ZNF823: variants seen among roughly 807,000 people sequenced by gnomAD.
ZNF823 encodes ZFP 36 for a zinc finger protein.
Under a neutral mutation model 11.4 loss-of-function variants are expected in ZNF823, and 5 were observed. The ratio of observed to expected loss-of-function variants is 0.44; its 90% CI spans 0.23 to 0.92. The LOEUF (loss-of-function observed/expected upper bound fraction) is 0.92. Ranked by LOEUF, ZNF823 falls within the 40% of genes least tolerant of loss-of-function variation. The probability of loss-of-function intolerance (pLI) is 0.24; values close to 1 mark genes in which losing one functional copy is unlikely to be tolerated. For synonymous variants in ZNF823, 234 were observed against 250.5 expected (o/e 0.93, Z 0.62); for missense variants, 582 against 738.5 (o/e 0.79, Z 2.46).
intron 1 of ZNF823, 117 bp downstream of exon 1, chr19:11,738,700 T>C (rs1975041594): frequency 7.5e-7 from 1 of 1,339,550 alleles, no homozygotes; most frequent in Non-Finnish European, 1.0e-6. Flanking sequence ...CCAGGGGCAC[T>C]GGGATTTGCA....
In ZNF823 at chr19:11,738,810, C is replaced by T; in HGVS notation, c.3+7G>A. ...TTGCCTCGGGACGCCGGGCCCCGCA[C>T]ACTCACCATTTCCCAGCTTCCAGGT... On this transcript the variant is annotated splice_region_variant and intron_variant, in intron 1 of 3. Coordinates refer to ENST00000341191, the MANE Select transcript of ZNF823 (RefSeq NM_001080493.4). 1.9e-6 allele frequency: 3 copies of T among 1,610,758 alleles called. No individual in the cohort carries two copies. The highest frequency in any genetic ancestry group is 2.5e-6 in the Non-Finnish European group (3 of 1,178,572).
chr19:11,723,088 T>TG lies in ZNF823; in HGVS notation c.445dup (p.His149ProfsTer7), dbSNP rs752102870. ...GGGCCTTTCATGTGTCTGGAAGGAGTGCTGATGACTGATGGCTTTCCCACG... is the reference window on the plus strand; with the variant it reads ...GGGCCTTTCATGTGTCTGGAAGGAGTGGCTGATGACTGATGGCTTTCCCACG... On this transcript the variant is annotated frameshift_variant, in exon 4 of 4. Coordinates refer to ENST00000341191, the MANE Select transcript of ZNF823 (RefSeq NM_001080493.4). LOFTEE classifies it low-confidence loss of function (END_TRUNC). 1 of 1,614,030 alleles carries TG rather than the reference T, an allele frequency of 6.2e-7. No homozygotes were observed.
At chr19:11,726,897 T>C (rs1363152269) in intron 1 of ZNF823, among the ~76,000 whole-genome samples, 1 of 152,212 alleles carries the variant, frequency 6.6e-6, no homozygotes, top group Non-Finnish European at 1.5e-5. Context: ...CATGGGATAT[T>C]TAGCCCATCC....
At chr19:11,725,089 T>G in intron 2 of ZNF823, 112 bp downstream of exon 2, 1 of 1,385,924 alleles carries the variant, frequency 7.2e-7, no homozygotes, top group South Asian at 1.4e-5. Flanking sequence ...AAACCCTGTG[T>G]TGTTCAAGGG....
chr19:11,723,110 C>T lies in ZNF823; in HGVS notation c.424G>A (p.Gly142Arg), dbSNP rs767996759. ...GEKPYTHKQRGKAISHQHSFQ... is the reference protein window; with the variant it reads ...GEKPYTHKQRRKAISHQHSFQ... ...GAGTGCTGATGACTGATGGCTTTCCCACGTTGTTTATGTGTATATGGCTTC... is the reference window on the plus strand; with the variant it reads ...GAGTGCTGATGACTGATGGCTTTCCTACGTTGTTTATGTGTATATGGCTTC... Residue 142 changes from glycine to arginine, a missense_variant, in exon 4 of 4, where the codon GGG (glycine) becomes AGG (arginine). Transcript: ENST00000341191. 6.2e-6 allele frequency: 10 copies of T among 1,614,026 alleles called. No homozygotes were observed. Among genetic ancestry groups the T allele is most frequent in the African/African-American group, 4.0e-5 (3 of 74,892 alleles).
At chr19:11,723,877 A>T (rs1974741830) in intron 3 of ZNF823, among the ~76,000 whole-genome samples, 1 of 152,044 alleles carries the variant, frequency 6.6e-6, no homozygotes, top group African/African-American at 2.4e-5. Context: ...TTTCCAAGGG[A>T]ACTATTTTGC....
intron 1 of ZNF823, among the ~76,000 whole-genome samples, chr19:11,734,901 G>A (rs1974965265): frequency 1.3e-5 from 2 of 152,162 alleles, no homozygotes; most frequent in South Asian, 4.1e-4. Context: ...ATTCTGTGAT[G>A]TAGGATCTGA....
Position 11,723,218 on chromosome 19 carries a change from C to T in ZNF823, c.316G>A (p.Val106Ile). The change falls in exon 4 of 4, where the codon GTC (valine) becomes ATC (isoleucine). Residue 106 changes from valine (V) to isoleucine (I), a missense_variant. Val to Ile is a conservative substitution (Grantham distance 29, BLOSUM62 3). Coordinates refer to ENST00000341191, the MANE Select transcript of ZNF823 (RefSeq NM_001080493.4). ...NPCDSGECGE[V>I]VLGHSSLNCN... ...TTAAGAGACGAATGACCCAAGACGA[C>T]TTCTCCACACTCACCACTGTCACAT... is the stretch of plus-strand genomic sequence containing the variant. 6.2e-7 allele frequency: 1 copy of T among 1,614,168 alleles called. No homozygotes were observed. The highest frequency in any genetic ancestry group is 8.5e-7 in the Non-Finnish European group (1 of 1,180,014).
At chr19:11,737,329 T>C (rs1171620522) in intron 1 of ZNF823, among the ~76,000 whole-genome samples, 2 of 152,174 alleles carry the variant, frequency 1.3e-5, no homozygotes, top group South Asian at 4.1e-4. Flanking sequence ...AATGGCGTGA[T>C]CTTGGCTCAC....
At chr19:11,738,788 C>T (rs1389985296) in intron 1 of ZNF823, 29 bp downstream of exon 1, 1 of 1,607,568 alleles carries the variant, frequency 6.2e-7, no homozygotes, top group Non-Finnish European at 8.5e-7. Context: ...CCCTTCTTTG[C>T]CTCGGGACGC....
At chr19:11,724,633 A>ACTGCAAAC (rs1974757521) in intron 2 of ZNF823, among the ~76,000 whole-genome samples, 1 of 141,332 alleles carries the variant, frequency 7.1e-6, no homozygotes, top group East Asian at 2.0e-4. Context: ...ATCTCAGCTC[A>ACTGCAAAC]CTGCAAACTC....
At chr19:11,733,531 T>C (rs1974941349) in intron 1 of ZNF823, among the ~76,000 whole-genome samples, 1 of 151,814 alleles carries the variant, frequency 6.6e-6, no homozygotes, top group African/African-American at 2.4e-5. Context: ...CGAAACTGTC[T>C]TTACAAAAAA....
intron 1 of ZNF823, among the ~76,000 whole-genome samples, chr19:11,729,404 T>G (rs1318908387): frequency 6.6e-6 from 1 of 152,180 alleles, no homozygotes; most frequent in African/African-American, 2.4e-5. Flanking sequence ...AGAAGTCAGT[T>G]ATACAAGAAG....
Position 11,722,935 on chromosome 19 carries a change from G to A in ZNF823, c.599C>T (p.Ala200Val). The A allele has an allele frequency of 6.2e-7, 1 of 1,614,118 alleles. No homozygotes were observed. Among genetic ancestry groups the A allele is most frequent in the Non-Finnish European group, 8.5e-7 (1 of 1,180,020 alleles). The change falls in exon 4 of 4, where the codon GCC becomes GTC. Residue 200 changes from alanine to valine, a missense_variant. Physicochemically the swap from Ala to Val is moderately conservative, Grantham distance 64 (BLOSUM62 0). Around this residue, in one of 3 missense-constraint regions of ZNF823, gnomAD observed 429 missense variants for 553.7 expected, o/e 0.77. Coordinates refer to ENST00000341191, the MANE Select transcript of ZNF823 (RefSeq NM_001080493.4). This position sits in a 1 kb window ranked among gnomAD's most constrained non-coding sequence, Gnocchi z 5.2. The stretch of plus-strand genomic sequence containing the variant: ...ATGAAATAAACTGGGCCAAACAAAG[G>A]CTTTCCCACACAACTTACATTTATA... ...GPYKCKLCGK[A>V]FVWPSLFHLH...
chr19:11,735,281 CAAAA>C (rs60923876), intron 1 of ZNF823, among the ~76,000 whole-genome samples: 2 of 99,368 alleles, frequency 2.0e-5, no homozygotes, highest in Non-Finnish European at 2.2e-5. Context: ...TTTCAAAAAA[CAAAA>C]AAAAAAAAAA....
At chr19:11,733,498 C>T (rs1490597692) in intron 1 of ZNF823, among the ~76,000 whole-genome samples, 1 of 151,634 alleles carries the variant, frequency 6.6e-6, no homozygotes, top group Non-Finnish European at 1.5e-5. Context: ...GTCAGGAGTT[C>T]AAGATCAGCC....
intron 1 of ZNF823, among the ~76,000 whole-genome samples, chr19:11,729,877 G>C (rs1974860563): frequency 6.6e-6 from 1 of 152,054 alleles, no homozygotes; most frequent in Admixed American, 6.6e-5. Flanking sequence ...AACCTGTTTG[G>C]GGAGGTCTTA....
At position 11,726,287 on chromosome 19, in the gene ZNF823, C is replaced by CATATACATATATAT. The variant is rs1555766612; in HGVS notation, c.4-961_4-960insATATATATGTATAT. On this transcript the variant is annotated intron_variant, in intron 1 of 3. Transcript: ENST00000341191. ...AGTAAAAAACAAAAAATAAAAAATACATATATATATATATATATATAAATT... is the reference window on the plus strand; with the variant it reads ...AGTAAAAAACAAAAAATAAAAAATACATATACATATATATATATATATATATATATATATAAATT... Among the ~76,000 whole-genome samples the CATATACATATATAT allele has an allele frequency of 3.0e-3, 336 of 112,220 alleles. 14 individuals are homozygous for CATATACATATATAT. The highest frequency in any genetic ancestry group is 0.019 in the Middle Eastern group (4 of 214). The allele number at this position is 112,220 out of a possible 152,430, so 73.6% of individuals were successfully genotyped here.
chr19:11,738,362 C>CT (rs1975034031), intron 1 of ZNF823, among the ~76,000 whole-genome samples: 3 of 152,210 alleles, frequency 2.0e-5, no homozygotes, highest in Admixed American at 2.0e-4. Context: ...AACCAGCGAC[C>CT]CCACACTCCA....
Sources: allele counts gnomAD v4.1 joint callset (sites outside exome capture counted in the v4.1 genomes callset), GRCh38; gene constraint gnomAD v4.1.1; regional missense constraint gnomAD v4.1.1; non-coding constraint Gnocchi (gnomAD v3.1); transcripts MANE v1.5; gene names NCBI Gene and HGNC (gene_info 2026-07-23, HGNC 2026-07-21).